CHRM3: variants seen among roughly 807,000 people sequenced by gnomAD.
The protein encoded by CHRM3 is cholinergic receptor muscarinic 3.
CHRM3 carries 11 observed loss-of-function variants against 41.8 expected under a neutral mutation model. That is an observed-to-expected ratio of 0.26 (90% CI 0.17 to 0.44). The LOEUF (loss-of-function observed/expected upper bound fraction) is 0.44, where lower values mean the gene tolerates loss of function less well. CHRM3 is among the 20% of genes least tolerant of loss of function. The pLI, the probability that CHRM3 is intolerant of heterozygous loss-of-function variation, is 1.00. For synonymous variants in CHRM3, 297 were observed against 301.4 expected (o/e 0.99, Z 0.15); for missense variants, 571 against 745.4 (o/e 0.77, Z 2.72).
At chr1:239,412,008 A>G (rs959583067) in intron 1 of CHRM3, among the ~76,000 whole-genome samples, 1 of 151,576 alleles carries the variant, frequency 6.6e-6, no homozygotes. Flanking sequence ...CTACTCTAGA[A>G]AATTTTAGCC....
chr1:239,882,372 T>C (rs551610723), intron 6 of CHRM3, among the ~76,000 whole-genome samples: 2 of 152,336 alleles, frequency 1.3e-5, no homozygotes, highest in East Asian at 3.9e-4. Flanking sequence ...GTGATACTAA[T>C]AATAATAGCA....
intron 6 of CHRM3, among the ~76,000 whole-genome samples, chr1:239,857,141 T>C (rs1458666603): frequency 6.7e-6 from 1 of 150,222 alleles, no homozygotes; most frequent in Non-Finnish European, 1.5e-5. Context: ...GAAACTGAGA[T>C]AAAAACCAGG....
intron 6 of CHRM3, among the ~76,000 whole-genome samples, chr1:239,878,936 G>T (rs777270001): frequency 1.6e-4 from 24 of 152,164 alleles, no homozygotes; most frequent in African/African-American, 5.8e-4. Flanking sequence ...TGGAGGGTAA[G>T]ACAGGACTTT....
At chr1:239,643,738 C>A (rs1011344951) in intron 4 of CHRM3, among the ~76,000 whole-genome samples, 1 of 152,198 alleles carries the variant, frequency 6.6e-6, no homozygotes, top group Non-Finnish European at 1.5e-5. Context: ...GGCAATGCCT[C>A]AACCTGCTTT....
chr1:239,820,383 G>A (rs1237476462), intron 5 of CHRM3, among the ~76,000 whole-genome samples: 1 of 152,208 alleles, frequency 6.6e-6, no homozygotes, highest in Non-Finnish European at 1.5e-5. Flanking sequence ...GGGCCACAGA[G>A]CAGATGATGG....
intron 5 of CHRM3, among the ~76,000 whole-genome samples, chr1:239,792,943 T>C (rs1443422682): frequency 1.3e-5 from 2 of 152,214 alleles, no homozygotes; most frequent in Non-Finnish European, 2.9e-5. Flanking sequence ...TCATCTTTTA[T>C]AACACAAGTA....
intron 1 of CHRM3, chr1:239,408,121 C>G (rs1055278598): frequency 6.6e-6 from 1 of 152,066 alleles, no homozygotes; most frequent in African/African-American, 2.4e-5. Flanking sequence ...ATGCTGTTCT[C>G]GTAATAGTGA....
At chr1:239,507,820 G>A (rs527539118) in intron 2 of CHRM3, among the ~76,000 whole-genome samples, 1 of 152,284 alleles carries the variant, frequency 6.6e-6, no homozygotes, top group African/African-American at 2.4e-5. Context: ...GACTTGGGGG[G>A]CTTAGGATGC....
rs1244196463 is a variant in CHRM3, at chr1:239,882,810, C to CT, written c.-19-24623_-19-24622insT. On this transcript the variant is annotated intron_variant, in intron 6 of 6. Coordinates refer to ENST00000676153, the MANE Select transcript of CHRM3 (RefSeq NM_001375978.1). ...TCACAGGCCCTGAGCTGCTAGAAAG[C>CT]AGAGTCTCTGCAGCCCCTAAGGCAG... Among the ~76,000 whole-genome samples the CT allele has an allele frequency of 2.0e-5, 3 of 152,250 alleles. No homozygotes were observed. The East Asian group carries it at 5.8e-4, about 29-fold the overall frequency.
At chr1:239,876,008 G>A (rs1016652980) in intron 6 of CHRM3, among the ~76,000 whole-genome samples, 1 of 152,188 alleles carries the variant, frequency 6.6e-6, no homozygotes. Context: ...TCCTTGAATT[G>A]TGGAGGTGAG....
chr1:239,862,943 G>A (rs183483606), intron 6 of CHRM3, among the ~76,000 whole-genome samples: 19 of 152,180 alleles, frequency 1.2e-4, no homozygotes, highest in Non-Finnish European at 2.8e-4. Context: ...AAGATATACA[G>A]ACAATTTTCA....
chr1:239,550,751 T>C (rs1342705702), intron 3 of CHRM3, among the ~76,000 whole-genome samples: 1 of 152,184 alleles, frequency 6.6e-6, no homozygotes, highest in Non-Finnish European at 1.5e-5. Context: ...TAATTTATCA[T>C]TAAGCTCTAT....
intron 5 of CHRM3, among the ~76,000 whole-genome samples, chr1:239,813,653 C>G (rs1671296887): frequency 6.6e-6 from 1 of 151,348 alleles, no homozygotes; most frequent in Non-Finnish European, 1.5e-5. Context: ...CGCGGTGGCT[C>G]ACGCCTGTAA....
chr1:239,738,017 C>A (rs7513757), intron 5 of CHRM3, among the ~76,000 whole-genome samples: 62,253 of 151,916 alleles, frequency 0.41, 12,995 homozygotes, highest in Middle Eastern at 0.5. Flanking sequence ...ACAACAACAA[C>A]AAAAAACTGA....
intron 6 of CHRM3, among the ~76,000 whole-genome samples, chr1:239,894,083 G>T (rs1243570679): frequency 6.6e-6 from 1 of 152,126 alleles, no homozygotes; most frequent in Non-Finnish European, 1.5e-5. Flanking sequence ...AAGAAAAACT[G>T]ATGACTAATA....
chr1:239,702,576 C>A (rs921210973), intron 5 of CHRM3, among the ~76,000 whole-genome samples: 13 of 152,158 alleles, frequency 8.5e-5, no homozygotes, highest in African/African-American at 3.1e-4. Flanking sequence ...TAATGTCTAC[C>A]ATTTACAAAA....
In CHRM3 at chr1:239,907,498, T is replaced by A; in HGVS notation, c.47T>A (p.Ile16Asn). The stretch of plus-strand genomic sequence containing the variant: ...ACAACCTCGCCTTTGTTTCCAAACA[T>A]CAGCTCCTCCTGGATACACAGCCCC... ...NSTTSPLFPN[I>N]SSSWIHSPSD... Residue 16 changes from isoleucine to asparagine, a missense_variant, in exon 7 of 7, where the codon ATC becomes AAC. By Grantham distance (149) the Ile-to-Asn change is moderately radical. Transcript: ENST00000676153. The surrounding 1 kb of genome is among the most constrained non-coding windows in gnomAD (Gnocchi z 5.4). 6.2e-7 allele frequency: 1 copy of A among 1,614,154 alleles called. No individual in the cohort carries two copies.
At chr1:239,395,080 C>T (rs1036680658) in intron 1 of CHRM3, among the ~76,000 whole-genome samples, 2 of 152,134 alleles carry the variant, frequency 1.3e-5, no homozygotes, top group African/African-American at 4.8e-5. Flanking sequence ...TCTTAGCAAT[C>T]CCTTTAAACT....
rs1160135852 is a variant in CHRM3, at chr1:239,748,114, A to G, written c.-147+69826A>G. On this transcript the variant is annotated intron_variant, in intron 5 of 6. Transcript: ENST00000676153. The surrounding 1 kb of genome is among the most constrained non-coding windows in gnomAD (Gnocchi z 4.3). ...CCCTTACAATTTGAACAGACACCCT[A>G]TAGATATCACTGTCTTCCAAAATTG... Among the ~76,000 whole-genome samples, 4 of 152,258 alleles carry G rather than the reference A, an allele frequency of 2.6e-5. No homozygotes were observed. Among genetic ancestry groups the G allele is most frequent in the Non-Finnish European group, 5.9e-5 (4 of 68,042 alleles).
Sources: allele counts gnomAD v4.1 joint callset (sites outside exome capture counted in the v4.1 genomes callset), GRCh38; gene constraint gnomAD v4.1.1; non-coding constraint Gnocchi (gnomAD v3.1); transcripts MANE v1.5; gene names NCBI Gene and HGNC (gene_info 2026-07-23, HGNC 2026-07-21).